BRWD3: variants seen among roughly 807,000 people sequenced by gnomAD.
BRWD3 encodes bromodomain and WD repeat domain containing 3, also known as bromodomain and WD repeat-containing protein 3.
BRWD3 carries 10 observed loss-of-function variants against 149.7 expected under a neutral mutation model. The observed-to-expected ratio is 0.07, with a 90% CI of 0.04 to 0.11. BRWD3 has a LOEUF of 0.11. Among genes scored for constraint, BRWD3 ranks in the 10% least tolerant of loss-of-function variants. BRWD3 has a pLI of 1.00. For missense variants in BRWD3, 940 were observed against 1,373.2 expected, an observed-to-expected ratio of 0.68 and a Z score of 4.99; for synonymous variants, 504 against 456.7, an observed-to-expected ratio of 1.10 and a Z score of -1.32.
At chrX:80,807,042 AT>A (rs1167549876) in intron 4 of BRWD3, among the ~76,000 whole-genome samples, 6 of 112,376 alleles carry the variant, frequency 5.3e-5, no homozygotes, top group Non-Finnish European at 9.4e-5. Flanking sequence ...AAAGGAAAAC[AT>A]TTTCAATACA....
intron 6 of BRWD3, among the ~76,000 whole-genome samples, chrX:80,768,467 A>T (rs2073893120): frequency 9.0e-6 from 1 of 111,666 alleles, no homozygotes; most frequent in Non-Finnish European, 1.9e-5. Context: ...AGAATTTCAT[A>T]TCCAGCCAAA....
chrX:80,729,190 A>G (rs1219650486), intron 13 of BRWD3, among the ~76,000 whole-genome samples: 1 of 111,936 alleles, frequency 8.9e-6, no homozygotes, highest in Non-Finnish European at 1.9e-5. Context: ...ATACCTTGAA[A>G]AATAAAATTC....
chrX:80,707,829 G>C (rs936533811), intron 21 of BRWD3, among the ~76,000 whole-genome samples: 1 of 111,078 alleles, frequency 9.0e-6, no homozygotes, highest in African/African-American at 3.3e-5. Flanking sequence ...TGTCTCTGTC[G>C]AGTTAATATA....
At chrX:80,755,477 T>C (rs1489418820) in intron 6 of BRWD3, among the ~76,000 whole-genome samples, 1 of 111,495 alleles carries the variant, frequency 9.0e-6, no homozygotes, top group Non-Finnish European at 1.9e-5. Context: ...TTCTAAAAAT[T>C]CAAAAACCTA....
At position 80,736,044 on chromosome X, in the gene BRWD3, A is replaced by G. The variant is rs375027477; in HGVS notation, c.858T>C (p.Thr286=). 6.2e-5 allele frequency: 74 copies of G among 1,199,157 alleles called. No homozygotes were observed. The highest frequency in any genetic ancestry group is 8.0e-5 in the Non-Finnish European group (71 of 888,869). Residue 286 remains threonine, a synonymous_variant, in exon 9 of 41, where the codon ACT becomes ACC. Coordinates refer to ENST00000373275, the MANE Select transcript of BRWD3 (RefSeq NM_153252.5). ...TKGTNRYLTS[T]GADGTICFWQ... The stretch of plus-strand genomic sequence containing the variant: ...AGAAACAGATTGTTCCATCAGCACC[A>G]GTAGAAGTGAGGTATCTGTTTGTGC...
At chrX:80,743,226 G>T (rs1048960554) in intron 8 of BRWD3, among the ~76,000 whole-genome samples, 3 of 111,863 alleles carry the variant, frequency 2.7e-5, no homozygotes, top group Non-Finnish European at 3.8e-5. Context: ...TGAACCAGCC[G>T]TGCATCCCAG....
At chrX:80,789,598 G>C (rs1205551504) in intron 6 of BRWD3, among the ~76,000 whole-genome samples, 1 of 109,916 alleles carries the variant, frequency 9.1e-6, no homozygotes, top group East Asian at 2.9e-4. Flanking sequence ...GGATGGTCTC[G>C]ATCTCCTGAC....
intron 6 of BRWD3, among the ~76,000 whole-genome samples, chrX:80,753,841 GATTT>G (rs1308626581): frequency 9.0e-6 from 1 of 111,002 alleles, no homozygotes; most frequent in Non-Finnish European, 1.9e-5. Flanking sequence ...TAAATATGTA[GATTT>G]ATTTCTGGGT....
intron 6 of BRWD3, among the ~76,000 whole-genome samples, chrX:80,779,681 G>C (rs975562660): frequency 1.8e-5 from 2 of 111,992 alleles, no homozygotes; most frequent in Admixed American, 1.9e-4. Flanking sequence ...CTAAAATCTT[G>C]AAAGAAGCCA....
chrX:80,745,507 G>C, intron 7 of BRWD3, 62 bp downstream of exon 7: 1 of 1,059,241 alleles, frequency 9.4e-7, no homozygotes, highest in Non-Finnish European at 1.3e-6. Flanking sequence ...GCAATGCCAT[G>C]CAGTCTGGCT....
intron 6 of BRWD3, among the ~76,000 whole-genome samples, chrX:80,789,406 C>T (rs375588857): frequency 5.8e-4 from 64 of 111,298 alleles, no homozygotes; most frequent in South Asian, 1.9e-3. Flanking sequence ...GACGGAGTCT[C>T]GCTCTGTCGC....
intron 8 of BRWD3, among the ~76,000 whole-genome samples, chrX:80,736,484 G>C (rs1048200800): frequency 3.6e-5 from 4 of 111,174 alleles, no homozygotes; most frequent in African/African-American, 1.3e-4. Flanking sequence ...AGTTCAGATG[G>C]GCAGAGGATT....
intron 27 of BRWD3, 86 bp downstream of exon 27, chrX:80,695,822 G>A: frequency 3.8e-6 from 3 of 786,043 alleles, no homozygotes; most frequent in Non-Finnish European, 5.6e-6. Context: ...TAAATGATAA[G>A]CTACTTTCTT....
At chrX:80,741,962 G>A (rs1266918191) in intron 8 of BRWD3, among the ~76,000 whole-genome samples, 1 of 111,691 alleles carries the variant, frequency 9.0e-6, no homozygotes. Flanking sequence ...TGCTTTTGGT[G>A]TTTTAGACAT....
chrX:80,795,824 G>A (rs190996181), intron 4 of BRWD3, among the ~76,000 whole-genome samples: 6 of 110,719 alleles, frequency 5.4e-5, no homozygotes, highest in Middle Eastern at 4.7e-3. Flanking sequence ...CCAGCTACTC[G>A]GGAGACTGCA....
chrX:80,685,382 A>T, intron 36 of BRWD3, 80 bp downstream of exon 36: 2 of 890,245 alleles, frequency 2.2e-6, no homozygotes, highest in Non-Finnish European at 3.3e-6. Context: ...GTCCTTACAA[A>T]CTATAAGATT....
chrX:80,802,114 T>C (rs751169196), intron 4 of BRWD3, among the ~76,000 whole-genome samples: 1 of 112,163 alleles, frequency 8.9e-6, no homozygotes, highest in Admixed American at 9.4e-5. Flanking sequence ...TATTCTTTTT[T>C]TATAGTACTG....
chrX:80,721,978 T>C (rs1316879037), intron 17 of BRWD3, among the ~76,000 whole-genome samples: 2 of 111,481 alleles, frequency 1.8e-5, no homozygotes, highest in Non-Finnish European at 3.8e-5. Flanking sequence ...ACCCAAGTAG[T>C]TGGGATTACA....
intron 22 of BRWD3, among the ~76,000 whole-genome samples, 182 bp from the exon 23 acceptor site, chrX:80,705,028 G>A (rs1602326331): frequency 9.0e-6 from 1 of 111,661 alleles, no homozygotes. Flanking sequence ...AGCACTCTGG[G>A]AGGCCAAGAT....
Sources: allele counts gnomAD v4.1 joint callset (sites outside exome capture counted in the v4.1 genomes callset), GRCh38; gene constraint gnomAD v4.1.1; transcripts MANE v1.5; gene names NCBI Gene and HGNC (gene_info 2026-07-23, HGNC 2026-07-21).